The following MTUS2 variants were observed in gnomAD, a reference collection of about 807,000 sequenced individuals.
MTUS2 encodes the protein microtubule-associated tumor suppressor candidate 2.
MTUS2 carries 40 observed loss-of-function variants against 114.1 expected under a neutral mutation model. The ratio of observed to expected loss-of-function variants is 0.35; its 90% CI spans 0.27 to 0.46. MTUS2 has a LOEUF of 0.46. Among genes scored for constraint, MTUS2 ranks in the 20% least tolerant of loss-of-function variants. MTUS2 has a pLI of 1.00. For missense variants in MTUS2, 1,679 were observed against 1,705.4 expected, an observed-to-expected ratio of 0.98 and a Z score of 0.27; for synonymous variants, 688 against 672.0, an observed-to-expected ratio of 1.02 and a Z score of -0.37.
At chr13:28,890,108 G>C (rs1176791643) in intron 2 of MTUS2, among the ~76,000 whole-genome samples, 3 of 152,150 alleles carry the variant, frequency 2.0e-5, no homozygotes, top group South Asian at 2.1e-4. Context: ...AGCTTCACTT[G>C]TGATGGTTTG....
intron 8 of MTUS2, among the ~76,000 whole-genome samples, chr13:29,386,795 GA>G (rs1318955216): frequency 2.0e-5 from 3 of 152,150 alleles, no homozygotes; most frequent in African/African-American, 7.2e-5. Context: ...AGAGATTTTA[GA>G]GATGGAAATG....
chr13:28,968,487 A>G (rs1593342697), intron 2 of MTUS2, among the ~76,000 whole-genome samples: 1 of 152,224 alleles, frequency 6.6e-6, no homozygotes, highest in African/African-American at 2.4e-5. Context: ...TTAAATGCAG[A>G]AAATGGGCCA....
chr13:29,286,704 T>C (rs1224879138), intron 6 of MTUS2, among the ~76,000 whole-genome samples: 4 of 51,364 alleles, frequency 7.8e-5, no homozygotes, highest in Non-Finnish European at 1.5e-4. Flanking sequence ...CTATCTTACT[T>C]ATTTGAGACA....
intron 6 of MTUS2, among the ~76,000 whole-genome samples, chr13:29,320,932 T>C (rs1394544454): frequency 1.3e-5 from 2 of 152,194 alleles, no homozygotes; most frequent in African/African-American, 4.8e-5. Flanking sequence ...AAGACTGACT[T>C]GTTTCTGGTT....
intron 5 of MTUS2, among the ~76,000 whole-genome samples, chr13:29,216,773 C>T (rs1287468645): frequency 6.6e-6 from 1 of 152,202 alleles, no homozygotes; most frequent in African/African-American, 2.4e-5. Context: ...ATTGGTCTCA[C>T]TGGGAGCTGC....
chr13:29,381,173 G>C (rs1412660863), intron 8 of MTUS2, among the ~76,000 whole-genome samples: 1 of 152,190 alleles, frequency 6.6e-6, no homozygotes, highest in African/African-American at 2.4e-5. Flanking sequence ...CTTCTGCCCA[G>C]ATACAGATGC....
At chr13:28,964,164 G>T (rs1477282376) in intron 2 of MTUS2, among the ~76,000 whole-genome samples, 5 of 152,186 alleles carry the variant, frequency 3.3e-5, no homozygotes, top group Non-Finnish European at 7.3e-5. Flanking sequence ...TGCCAAAGTA[G>T]TTTTCCTAAT....
Position 29,162,872 on chromosome 13 carries a change from T to G in MTUS2, c.2644+61902T>G, listed in dbSNP as rs143207249. Reference sequence around the variant, plus strand: ...TATGCCCGAGACTTGCTGCTGCTCATTGGTGCAGCTGAGTTTGATCATTAT... The same window carrying G: ...TATGCCCGAGACTTGCTGCTGCTCAGTGGTGCAGCTGAGTTTGATCATTAT... On this transcript the variant is annotated intron_variant, in intron 5 of 15. Transcript: ENST00000612955. Among the ~76,000 whole-genome samples the G allele has an allele frequency of 2.7e-3, 415 of 152,300 alleles. 2 individuals are homozygous for G. The highest frequency in any genetic ancestry group is 9.5e-3 in the African/African-American group (395 of 41,562).
intron 2 of MTUS2, among the ~76,000 whole-genome samples, chr13:28,958,179 G>A (rs1335268350): frequency 6.6e-6 from 1 of 152,232 alleles, no homozygotes; most frequent in Non-Finnish European, 1.5e-5. Context: ...AATTAGCATA[G>A]TAGTTTGGAA....
chr13:28,875,009 T>C (rs1392022037), intron 2 of MTUS2, among the ~76,000 whole-genome samples: 1 of 152,178 alleles, frequency 6.6e-6, no homozygotes, highest in East Asian at 1.9e-4. Context: ...TTTTGTTGTC[T>C]CCCCTTTAGA....
intron 2 of MTUS2, among the ~76,000 whole-genome samples, chr13:28,858,865 G>C (rs1002514692): frequency 2.0e-5 from 3 of 152,256 alleles, no homozygotes; most frequent in East Asian, 1.9e-4. Flanking sequence ...TGCCAGATGA[G>C]GAAACGGGAC....
chr13:28,890,180 A>G (rs542886368), intron 2 of MTUS2, among the ~76,000 whole-genome samples: 3 of 152,338 alleles, frequency 2.0e-5, no homozygotes, highest in South Asian at 4.1e-4. Context: ...TCATAATTCT[A>G]TAAGATGGCT....
At chr13:29,482,828 C>T (rs1342617425) in intron 10 of MTUS2, among the ~76,000 whole-genome samples, 4 of 152,186 alleles carry the variant, frequency 2.6e-5, no homozygotes, top group South Asian at 2.1e-4. Flanking sequence ...TTGGGGGAAC[C>T]GGAGAGTGAA....
intron 7 of MTUS2, among the ~76,000 whole-genome samples, chr13:29,351,017 G>A (rs1022457579): frequency 1.4e-5 from 2 of 143,704 alleles, no homozygotes; most frequent in Admixed American, 7.1e-5. Context: ...GTTCCTAGCA[G>A]CAGGGTATGT....
chr13:29,387,059 G>C (rs1872674214), intron 8 of MTUS2, among the ~76,000 whole-genome samples: 2 of 152,216 alleles, frequency 1.3e-5, no homozygotes, highest in South Asian at 4.1e-4. Context: ...TAGGCAGGAT[G>C]CTAGGCACTG....
chr13:29,183,363 G>A (rs1001386574), intron 5 of MTUS2, among the ~76,000 whole-genome samples: 1 of 152,078 alleles, frequency 6.6e-6, no homozygotes, highest in Admixed American at 6.6e-5. Context: ...AAAACAGCAG[G>A]GGGAACAGGT....
Position 29,025,110 on chromosome 13 carries a change from G to A in MTUS2, c.412G>A (p.Val138Met). 1 of 1,614,000 alleles carries A rather than the reference G, an allele frequency of 6.2e-7. No individual in the cohort carries two copies. Among genetic ancestry groups the A allele is most frequent in the South Asian group, 1.1e-5 (1 of 91,082 alleles). The change falls in exon 3 of 16, where the codon GTG becomes ATG. Residue 138 changes from valine (V) to methionine (M), a missense_variant. Val to Met is a conservative substitution (Grantham distance 21, BLOSUM62 1). Around this residue, in one of 3 missense-constraint regions of MTUS2, gnomAD observed 843 missense variants for 770.8 expected, o/e 1.09. Coordinates refer to ENST00000612955, the MANE Select transcript of MTUS2 (RefSeq NM_001033602.4). ...QGPSLSSWRNVMSEASLDVLA... is the reference protein window; with the variant it reads ...QGPSLSSWRNMMSEASLDVLA... ...ACCAAGTCTGTCGAGTTGGAGGAAT[G>A]TGATGAGTGAGGCCAGTCTAGACGT...
At chr13:29,353,768 A>T (rs1869497043) in intron 7 of MTUS2, among the ~76,000 whole-genome samples, 1 of 152,174 alleles carries the variant, frequency 6.6e-6, no homozygotes. Context: ...GCTTTACCTG[A>T]TGCCCCATGA....
At chr13:29,158,568 G>GA (rs1232029577) in intron 5 of MTUS2, among the ~76,000 whole-genome samples, 1 of 151,634 alleles carries the variant, frequency 6.6e-6, no homozygotes, top group East Asian at 1.9e-4. Context: ...AGACATGGAA[G>GA]AAAAAATACC....
Sources: gnomAD v4.1 joint callset for allele counts (sites outside exome capture counted in the v4.1 genomes callset) on GRCh38, gnomAD v4.1.1 for gene constraint, gnomAD v4.1.1 regional missense constraint, MANE v1.5 for transcripts, NCBI Gene and HGNC (gene_info 2026-07-23, HGNC 2026-07-21) for gene names.